DPP6: variants seen among roughly 807,000 people sequenced by gnomAD.
The protein encoded by DPP6 is dipeptidyl peptidase like 6.
In DPP6, 69 loss-of-function variants were observed where a neutral mutation model predicts 122.6. The observed-to-expected ratio is 0.56, with a 90% CI of 0.46 to 0.69. The LOEUF is 0.69. DPP6 is among the 30% of genes least tolerant of loss of function. DPP6 has a pLI of 0.00. For missense variants in DPP6, 928 were observed against 1,116.9 expected (o/e 0.83, Z 2.41); for synonymous variants, 418 against 433.1 (o/e 0.97, Z 0.43).
chr7:154,016,835 T>C (rs1422832387), intron 1 of DPP6, among the ~76,000 whole-genome samples: 1 of 152,154 alleles, frequency 6.6e-6, no homozygotes, highest in Non-Finnish European at 1.5e-5. Context: ...TTTGAGCCAT[T>C]AGTGAACTGA....
intron 3 of DPP6, among the ~76,000 whole-genome samples, chr7:154,488,462 A>C (rs1466194772): frequency 1.3e-5 from 2 of 151,986 alleles, no homozygotes; most frequent in African/African-American, 4.8e-5. Flanking sequence ...CAAAAAAAAA[A>C]AGAAAGCAGA....
At position 154,474,969 on chromosome 7, in the gene DPP6, A is replaced by G. The variant is rs943723646; in HGVS notation, c.389A>G (p.Lys130Arg). ...AEDNSLSQKK[K>R]VTVEDLFSED... ...GATAATAGTCTGTCTCAAAAGAAGA[A>G]GGTCACTGTAGAAGATCTCTTCAGT... Residue 130 changes from lysine (K) to arginine (R), a missense_variant, in exon 3 of 26, where the codon AAG becomes AGG. Coordinates refer to ENST00000377770, the MANE Select transcript of DPP6 (RefSeq NM_130797.4). 7 of 1,613,780 alleles carry G rather than the reference A, an allele frequency of 4.3e-6. No homozygotes were observed. Among genetic ancestry groups the G allele is most frequent in the Non-Finnish European group, 5.9e-6 (7 of 1,179,740 alleles).
rs562107118 is a variant in DPP6, at chr7:154,015,030, T to C, written c.51+127296T>C. Among the ~76,000 whole-genome samples, 92 of 152,282 alleles carry C rather than the reference T, an allele frequency of 6.0e-4. 1 individual carries two copies. Among genetic ancestry groups the C allele is most frequent in the Middle Eastern group, 3.4e-3 (1 of 294 alleles). ...TTAAATGAATGCTGGAGAAACTGTT[T>C]TCTCATTGACGTACTTGCTTTAATG... On this transcript the variant is annotated intron_variant, in intron 1 of 25. Coordinates refer to the DPP6 transcript ENST00000404039.
rs202172140 is a variant in DPP6 at position 154,035,164 on chromosome 7, G to T, written c.51+147430G>T. On this transcript the variant is annotated intron_variant, in intron 1 of 25. Transcript: ENST00000404039. ...GTAAAGCCTTTAACTTTCCTTTGTG[G>T]ACAAATTGCTCACTAGCTCATCATT... 1.1e-4 allele frequency among the ~76,000 whole-genome samples: 16 copies of T among 152,284 alleles called. No homozygotes were observed. In the East Asian group the frequency reaches 3.1e-3, roughly 29 times the overall value.
chr7:154,203,937 C>A (rs1799303719), intron 1 of DPP6, among the ~76,000 whole-genome samples: 1 of 152,148 alleles, frequency 6.6e-6, no homozygotes, highest in South Asian at 2.1e-4. Context: ...GAGAAAGAGT[C>A]TGTTAAAAAT....
At chr7:154,783,180 T>A (rs150197265) in intron 10 of DPP6, among the ~76,000 whole-genome samples, 1 of 152,288 alleles carries the variant, frequency 6.6e-6, no homozygotes, top group African/African-American at 2.4e-5. Context: ...CCTAATTGCA[T>A]GGACTTTGCC....
chr7:153,913,221 AG>A lies in DPP6; in HGVS notation c.51+25488del, dbSNP rs1800163253. On this transcript the variant is annotated intron_variant, in intron 1 of 25. Transcript: ENST00000404039. ...TCCTAAGTAGCCGGGATTACAGGCA[AG>A]CACCACCATGCTCAGCTAATTTTTG... Among the ~76,000 whole-genome samples, 10 of 152,114 alleles carry A rather than the reference AG, an allele frequency of 6.6e-5. No homozygotes were observed. The South Asian group carries it at 2.1e-3, about 31-fold the overall frequency.
chr7:154,051,828 C>T (rs1424443054), upstream of DPP6, among the ~76,000 whole-genome samples: 26 of 150,608 alleles, frequency 1.7e-4, 1 homozygote, highest in African/African-American at 5.4e-4. Context: ...GGGGCGGTTT[C>T]GGAGGGAGCT....
intron 8 of DPP6, among the ~76,000 whole-genome samples, chr7:154,741,285 C>G (rs1452987057): frequency 6.6e-6 from 1 of 152,226 alleles, no homozygotes; most frequent in Admixed American, 6.5e-5. Context: ...TGATTCTGGG[C>G]ACCCTGAGTC....
At chr7:153,839,318 G>A in the DPP6 span, among the ~76,000 whole-genome samples, 18 of 152,244 alleles carry the variant, frequency 1.2e-4, no homozygotes, top group African/African-American at 4.1e-4. Flanking sequence ...AGGATGTGAC[G>A]CCAAGGCATT....
chr7:154,004,343 A>G (rs1797816930), intron 1 of DPP6, among the ~76,000 whole-genome samples: 1 of 152,214 alleles, frequency 6.6e-6, no homozygotes, highest in Admixed American at 6.5e-5. Context: ...ACATTTACTG[A>G]GTAATCACTT....
the DPP6 span, among the ~76,000 whole-genome samples, chr7:153,813,324 A>G: frequency 7.9e-5 from 12 of 152,018 alleles, no homozygotes; most frequent in African/African-American, 2.7e-4. Context: ...ATGATTTCCA[A>G]TTTCATCCAT....
intron 1 of DPP6, among the ~76,000 whole-genome samples, chr7:154,238,231 A>G (rs1024343514): frequency 6.6e-6 from 1 of 152,212 alleles, no homozygotes; most frequent in African/African-American, 2.4e-5. Flanking sequence ...CTCTGTTATC[A>G]TGCTCAGGCA....
chr7:153,975,650 A>C (rs2129035546), intron 1 of DPP6, among the ~76,000 whole-genome samples: 1 of 152,370 alleles, frequency 6.6e-6, no homozygotes, highest in African/African-American at 2.4e-5. Context: ...GGTCAAAATA[A>C]GAATGTTATT....
chr7:153,765,892 C>A, the DPP6 span, among the ~76,000 whole-genome samples: 1 of 152,172 alleles, frequency 6.6e-6, no homozygotes, highest in African/African-American at 2.4e-5. Flanking sequence ...TGCAATGCTT[C>A]TTCTCAAACA....
chr7:154,082,057 C>G (rs1585335077), intron 1 of DPP6, among the ~76,000 whole-genome samples: 1 of 152,212 alleles, frequency 6.6e-6, no homozygotes, highest in East Asian at 1.9e-4. Flanking sequence ...GACTTCAACC[C>G]TCTTAGAACC....
At chr7:153,909,485 C>G (rs1056808924) in intron 1 of DPP6, among the ~76,000 whole-genome samples, 16 of 152,164 alleles carry the variant, frequency 1.1e-4, no homozygotes, top group Non-Finnish European at 1.5e-5. Flanking sequence ...TGCCCTGTCC[C>G]CCTCCAGCTA....
intron 6 of DPP6, among the ~76,000 whole-genome samples, chr7:154,661,998 A>C (rs1405512205): frequency 4.1e-5 from 6 of 146,550 alleles, no homozygotes; most frequent in Admixed American, 1.3e-4. Context: ...TAGTGTTCAT[A>C]TAGTCATGGT....
chr7:154,127,652 GACACACACACACACACAC>G (rs66703506), intron 1 of DPP6, among the ~76,000 whole-genome samples: 1 of 79,106 alleles, frequency 1.3e-5, no homozygotes, highest in Non-Finnish European at 3.5e-5. Flanking sequence ...CACACACACA[GACACACACACACACACAC>G]ACACACAAAA....
Sources: allele counts gnomAD v4.1 joint callset (sites outside exome capture counted in the v4.1 genomes callset), GRCh38; gene constraint gnomAD v4.1.1; transcripts MANE v1.5; gene names NCBI Gene and HGNC (gene_info 2026-07-23, HGNC 2026-07-21).